PSMA1: variants seen among roughly 807,000 people sequenced by gnomAD.
PSMA1 encodes proteasome 20S subunit alpha 1.
Under a neutral mutation model 38.4 loss-of-function variants are expected in PSMA1, and 3 were observed. That is an observed-to-expected ratio of 0.08 (90% confidence interval 0.04 to 0.20). PSMA1 has a LOEUF of 0.20. Ranked by LOEUF, PSMA1 falls within the 10% of genes least tolerant of loss-of-function variation. The pLI is 1.00. For synonymous variants in PSMA1, 101 were observed against 107.1 expected (o/e 0.94, Z 0.35); for missense variants, 227 against 325.3 (o/e 0.70, Z 2.32).
chr11:14,618,218 CTT>C (rs1231568941), intron 1 of PSMA1, among the ~76,000 whole-genome samples: 7 of 152,174 alleles, frequency 4.6e-5, no homozygotes, highest in African/African-American at 1.7e-4. Flanking sequence ...ATTTATCCTG[CTT>C]TTCTAGCTTG....
At chr11:14,543,880 T>C (rs967769032) in intron 2 of PSMA1, among the ~76,000 whole-genome samples, 4 of 152,226 alleles carry the variant, frequency 2.6e-5, no homozygotes, top group Non-Finnish European at 5.9e-5. Context: ...ATTGAGGACT[T>C]ATTGTACTAT....
chr11:14,642,675 G>C (rs917581062), intron 1 of PSMA1, among the ~76,000 whole-genome samples: 1 of 152,224 alleles, frequency 6.6e-6, no homozygotes, highest in African/African-American at 2.4e-5. Context: ...TCATGAGGTT[G>C]AAGCGAGAGC....
intron 2 of PSMA1, among the ~76,000 whole-genome samples, chr11:14,595,227 T>G (rs1281953719): frequency 6.6e-6 from 1 of 152,236 alleles, no homozygotes; most frequent in Non-Finnish European, 1.5e-5. Context: ...CGTGTGCATG[T>G]GTCTTTACAG....
At chr11:14,578,965 T>C (rs1349331193) in intron 2 of PSMA1, among the ~76,000 whole-genome samples, 2 of 152,184 alleles carry the variant, frequency 1.3e-5, no homozygotes, top group Admixed American at 6.5e-5. Flanking sequence ...CATTGAATCA[T>C]CTCAACATTC....
At chr11:14,625,154 A>G (rs993341532) in intron 1 of PSMA1, among the ~76,000 whole-genome samples, 11 of 152,172 alleles carry the variant, frequency 7.2e-5, no homozygotes, top group African/African-American at 2.7e-4. Flanking sequence ...CAATCAAGAA[A>G]ATTTGTCATT....
At position 14,534,032 on chromosome 11, in the gene PSMA1, T is replaced by A. The variant is rs1468159657; in HGVS notation, c.22-14991A>T. ...CCCCATCTCTACTAAAAATACAAAA[T>A]TAGCCGGGCATGGAGGTGCATGTCT... On this transcript the variant is annotated intron_variant, in intron 2 of 10. Transcript: ENST00000418988. This position sits in a 1 kb window ranked among gnomAD's most constrained non-coding sequence, Gnocchi z 4.5. Among the ~76,000 whole-genome samples the A allele has an allele frequency of 6.6e-6, 1 of 151,952 alleles. No individual in the cohort carries two copies. The highest frequency in any genetic ancestry group is 6.6e-5 in the Admixed American group (1 of 15,230).
At chr11:14,508,568 A>AAAAAAAAAAAAAC (rs1176058061) in intron 8 of PSMA1, among the ~76,000 whole-genome samples, 9 of 149,226 alleles carry the variant, frequency 6.0e-5, no homozygotes, top group South Asian at 2.1e-4. Flanking sequence ...TCTCAAAAAA[A>AAAAAAAAAAAAAC]AAAAAAAAAC....
chr11:14,631,034 C>T (rs181019559), intron 1 of PSMA1, among the ~76,000 whole-genome samples: 35 of 152,040 alleles, frequency 2.3e-4, no homozygotes, highest in South Asian at 1.5e-3. Context: ...TTTTTTATTG[C>T]GTCTATTTGA....
At chr11:14,524,915 C>T (rs1402571393), upstream of PSMA1, among the ~76,000 whole-genome samples, 1 of 152,188 alleles carries the variant, frequency 6.6e-6, no homozygotes, top group Non-Finnish European at 1.5e-5. Flanking sequence ...AAGGCTCTGA[C>T]TGACTCCTTC....
At chr11:14,618,575 T>C (rs1213538339) in intron 1 of PSMA1, among the ~76,000 whole-genome samples, 1 of 152,234 alleles carries the variant, frequency 6.6e-6, no homozygotes, top group Admixed American at 6.5e-5. Context: ...GGAATTGTCA[T>C]TTATAAACCA....
rs531601025 is a variant in PSMA1, at chr11:14,602,336, C to T, written c.21+8630G>A. Among the ~76,000 whole-genome samples the T allele has an allele frequency of 5.3e-5, 8 of 152,164 alleles. 1 individual carries two copies. The South Asian group carries it at 1.7e-3, about 32-fold the overall frequency. On this transcript the variant is annotated intron_variant, in intron 2 of 10. Coordinates refer to the PSMA1 transcript ENST00000418988. ...CAAGGAAAACTGTCTCATTTATCACCACCTCTTTGGGACATTTGTTTGGGA... is the reference window on the plus strand; with the variant it reads ...CAAGGAAAACTGTCTCATTTATCACTACCTCTTTGGGACATTTGTTTGGGA...
intron 2 of PSMA1, among the ~76,000 whole-genome samples, chr11:14,527,234 G>A (rs1241095860): frequency 6.6e-6 from 1 of 152,150 alleles, no homozygotes; most frequent in African/African-American, 2.4e-5. Context: ...GAAGCAGCTA[G>A]AATTCCAACT....
intron 2 of PSMA1, among the ~76,000 whole-genome samples, chr11:14,540,456 C>T (rs1362668617): frequency 3.9e-5 from 6 of 152,108 alleles, no homozygotes; most frequent in African/African-American, 1.2e-4. Context: ...AAACTGAGAT[C>T]GCCTAAATGC....
intron 1 of PSMA1, among the ~76,000 whole-genome samples, chr11:14,629,930 A>G (rs1852976380): frequency 6.6e-6 from 1 of 151,974 alleles, no homozygotes; most frequent in Non-Finnish European, 1.5e-5. Context: ...CTTTGAAGCA[A>G]CTGTGAATGG....
rs374744535 is a variant in PSMA1 at position 14,557,391 on chromosome 11, G to A, written c.22-38350C>T. Among the ~76,000 whole-genome samples the A allele has an allele frequency of 7.2e-5, 11 of 151,848 alleles. No individual in the cohort carries two copies. The East Asian group carries it at 1.6e-3, about 21-fold the overall frequency. On this transcript the variant is annotated intron_variant, in intron 2 of 10. Transcript: ENST00000418988. ...TAGCTGGGACTACAGGTGCACAAGCGCACCACCACACCCAGCTAATTTTTG... is the reference window on the plus strand; with the variant it reads ...TAGCTGGGACTACAGGTGCACAAGCACACCACCACACCCAGCTAATTTTTG...
chr11:14,632,286 A>T (rs957171021), intron 1 of PSMA1, among the ~76,000 whole-genome samples: 3 of 149,046 alleles, frequency 2.0e-5, no homozygotes, highest in Non-Finnish European at 4.5e-5. Context: ...TTTTGGCATG[A>T]TTTTGCAGTG....
intron 2 of PSMA1, among the ~76,000 whole-genome samples, chr11:14,582,302 T>C (rs1466265348): frequency 6.6e-6 from 1 of 152,150 alleles, no homozygotes; most frequent in Non-Finnish European, 1.5e-5. Flanking sequence ...CCAGAAATGC[T>C]AATATATAAA....
chr11:14,607,949 C>A (rs1238521354), intron 2 of PSMA1, among the ~76,000 whole-genome samples: 1 of 152,160 alleles, frequency 6.6e-6, no homozygotes, highest in Non-Finnish European at 1.5e-5. Context: ...CATTATGATC[C>A]TCACAGCAGG....
At chr11:14,620,472 T>C (rs1407588810) in intron 1 of PSMA1, among the ~76,000 whole-genome samples, 1 of 152,200 alleles carries the variant, frequency 6.6e-6, no homozygotes, top group Non-Finnish European at 1.5e-5. Context: ...TTTCCACTGT[T>C]TATACTTGGG....
Sources: gnomAD v4.1 joint callset for allele counts (sites outside exome capture counted in the v4.1 genomes callset) on GRCh38, gnomAD v4.1.1 for gene constraint, Gnocchi (gnomAD v3.1) non-coding constraint, MANE v1.5 for transcripts, NCBI Gene and HGNC (gene_info 2026-07-23, HGNC 2026-07-21) for gene names.